The following HS6ST3 variants were observed in gnomAD, a reference collection of about 807,000 sequenced individuals.
HS6ST3 encodes heparan sulfate 6-O-sulfotransferase 3.
Under a neutral mutation model 36.7 loss-of-function variants are expected in HS6ST3, and 12 were observed. The observed-to-expected ratio is 0.33, with a 90% CI of 0.21 to 0.53. The LOEUF is 0.53. Ranked by LOEUF, HS6ST3 falls within the 20% of genes least tolerant of loss-of-function variation. The probability of loss-of-function intolerance (pLI) is 0.95; values close to 1 mark genes in which losing one functional copy is unlikely to be tolerated. For synonymous variants in HS6ST3, 240 were observed against 257.5 expected (o/e 0.93, Z 0.65); for missense variants, 584 against 640.9 (o/e 0.91, Z 0.96).
intron 1 of HS6ST3, among the ~76,000 whole-genome samples, chr13:96,183,697 T>C (rs76583138): frequency 0.011 from 1,638 of 152,250 alleles, 33 homozygotes; most frequent in African/African-American, 0.038. Flanking sequence ...ACCGAATGAT[T>C]CCACTTGTAT....
intron 1 of HS6ST3, among the ~76,000 whole-genome samples, chr13:96,370,040 G>A (rs2055281972): frequency 6.6e-6 from 1 of 152,008 alleles, no homozygotes; most frequent in African/African-American, 2.4e-5. Context: ...TAGGAGGTTT[G>A]GTCTAGATCA....
chr13:96,765,882 A>G (rs1877100239), intron 1 of HS6ST3, among the ~76,000 whole-genome samples: 2 of 152,298 alleles, frequency 1.3e-5, no homozygotes, highest in East Asian at 1.9e-4. Flanking sequence ...CCTGAGATGT[A>G]GAAATGACAC....
intron 1 of HS6ST3, among the ~76,000 whole-genome samples, chr13:96,215,336 G>C (rs971612996): frequency 2.0e-5 from 3 of 152,186 alleles, no homozygotes; most frequent in African/African-American, 4.8e-5. Flanking sequence ...ACGAGACACA[G>C]CTTGGATAGC....
intron 1 of HS6ST3, among the ~76,000 whole-genome samples, chr13:96,532,523 C>T (rs928704554): frequency 3.9e-5 from 6 of 152,062 alleles, no homozygotes; most frequent in African/African-American, 1.4e-4. Context: ...GATAGAAGCC[C>T]AAGATATTCT....
At position 96,799,992 on chromosome 13, in the gene HS6ST3, A is replaced by ATATGTG. The variant is rs1262861003; in HGVS notation, c.708-32495_708-32494insGTGTAT. 4.0e-3 allele frequency among the ~76,000 whole-genome samples: 494 copies of ATATGTG among 122,738 alleles called. 24 individuals are homozygous for ATATGTG. Among genetic ancestry groups the ATATGTG allele is most frequent in the African/African-American group, 0.019 (461 of 24,444 alleles). 80.5% of individuals were successfully genotyped at this position (122,738 alleles called of 152,430 possible). On this transcript the variant is annotated intron_variant, in intron 1 of 1. Coordinates refer to ENST00000376705, the MANE Select transcript of HS6ST3 (RefSeq NM_153456.4). Reference sequence around the variant, plus strand: ...TATATATATATATATGTATATATATATATATGTATATATATATATATGTAT... The same window carrying ATATGTG: ...TATATATATATATATGTATATATATATATGTGTATATGTATATATATATATATGTAT...
At chr13:96,142,947 G>A (rs1404211403) in intron 1 of HS6ST3, among the ~76,000 whole-genome samples, 1 of 151,930 alleles carries the variant, frequency 6.6e-6, no homozygotes, top group East Asian at 1.9e-4. Context: ...CTTTCCGAGA[G>A]CTTAATTGTA....
chr13:96,611,231 C>G (rs923497968), intron 1 of HS6ST3, among the ~76,000 whole-genome samples: 1 of 151,606 alleles, frequency 6.6e-6, no homozygotes, highest in Middle Eastern at 3.4e-3. Context: ...GTGCGCTGCA[C>G]CCACTAACTC....
chr13:96,452,205 A>C (rs1262395482), intron 1 of HS6ST3, among the ~76,000 whole-genome samples: 1 of 152,324 alleles, frequency 6.6e-6, no homozygotes, highest in Non-Finnish European at 1.5e-5. Flanking sequence ...CATAACCCTC[A>C]GCACATCTAT....
At chr13:96,737,033 T>C (rs879595142) in intron 1 of HS6ST3, among the ~76,000 whole-genome samples, 10 of 151,998 alleles carry the variant, frequency 6.6e-5, no homozygotes, top group Non-Finnish European at 1.0e-4. Flanking sequence ...ATAATAATTA[T>C]GAGGATAAAA....
At chr13:96,443,524 C>T (rs1214595925) in intron 1 of HS6ST3, among the ~76,000 whole-genome samples, 7 of 110,466 alleles carry the variant, frequency 6.3e-5, no homozygotes, top group South Asian at 3.6e-4. Flanking sequence ...AGCGAGACTC[C>T]GTCTCAAAAA....
intron 1 of HS6ST3, among the ~76,000 whole-genome samples, chr13:96,333,912 G>A (rs1401962693): frequency 6.6e-6 from 1 of 152,060 alleles, no homozygotes; most frequent in Non-Finnish European, 1.5e-5. Flanking sequence ...TATAGCAAGT[G>A]GGGTGGAATT....
At chr13:96,168,291 G>A (rs2054170506) in intron 1 of HS6ST3, among the ~76,000 whole-genome samples, 1 of 152,062 alleles carries the variant, frequency 6.6e-6, no homozygotes, top group Non-Finnish European at 1.5e-5. Context: ...AGACACACGA[G>A]TCCTTTCCTG....
At chr13:96,733,251 T>A (rs921311190) in intron 1 of HS6ST3, among the ~76,000 whole-genome samples, 1 of 152,222 alleles carries the variant, frequency 6.6e-6, no homozygotes, top group African/African-American at 2.4e-5. Flanking sequence ...CCATTGAGTA[T>A]GATGTTAGTC....
intron 1 of HS6ST3, among the ~76,000 whole-genome samples, chr13:96,772,802 C>T (rs67392346): frequency 0.042 from 6,362 of 152,212 alleles, 402 homozygotes; most frequent in African/African-American, 0.13. Flanking sequence ...GTATTGATTG[C>T]CATCTTGAGA....
rs143973213 is a variant in HS6ST3, at chr13:96,642,693, T to C, written c.708-189797T>C. Among the ~76,000 whole-genome samples the C allele has an allele frequency of 1.0e-3, 155 of 152,072 alleles. 1 individual carries two copies. Among genetic ancestry groups the C allele is most frequent in the African/African-American group, 3.1e-3 (130 of 41,528 alleles). On this transcript the variant is annotated intron_variant, in intron 1 of 1. Transcript: ENST00000376705. Reference sequence around the variant, plus strand: ...GTGCCTTGAGCCATGTAGTGATGTTTCTACTTCAATTATTCTTTTTGCCAT... The same window carrying C: ...GTGCCTTGAGCCATGTAGTGATGTTCCTACTTCAATTATTCTTTTTGCCAT...
chr13:96,649,318 A>G (rs1027411217), intron 1 of HS6ST3, among the ~76,000 whole-genome samples: 5 of 151,998 alleles, frequency 3.3e-5, no homozygotes, highest in Non-Finnish European at 5.9e-5. Context: ...CAGAGTGAAG[A>G]GTGGGGAAGC....
At chr13:96,331,867 C>A (rs958030370) in intron 1 of HS6ST3, among the ~76,000 whole-genome samples, 1 of 152,098 alleles carries the variant, frequency 6.6e-6, no homozygotes, top group African/African-American at 2.4e-5. Context: ...AGCCAGGTGC[C>A]GGATATAATC....
intron 1 of HS6ST3, among the ~76,000 whole-genome samples, chr13:96,726,019 G>T (rs1214310016): frequency 6.6e-6 from 1 of 151,904 alleles, no homozygotes; most frequent in African/African-American, 2.4e-5. Flanking sequence ...TGTATTTTAG[G>T]TAGAGACCGG....
intron 1 of HS6ST3, among the ~76,000 whole-genome samples, chr13:96,263,965 G>T (rs141121206): frequency 1.3e-5 from 2 of 152,192 alleles, no homozygotes; most frequent in African/African-American, 4.8e-5. Flanking sequence ...ATGGAGCCTG[G>T]CCTCCTGGGT....
Sources: allele counts gnomAD v4.1 joint callset (sites outside exome capture counted in the v4.1 genomes callset), GRCh38; gene constraint gnomAD v4.1.1; transcripts MANE v1.5; gene names NCBI Gene and HGNC (gene_info 2026-07-23, HGNC 2026-07-21).